Variants in KRT86 observed in about 807,000 individuals in gnomAD.
The protein encoded by KRT86 is keratin, type II cuticular Hb6.
In KRT86, 30 loss-of-function variants were observed where a neutral mutation model predicts 41.2. The observed-to-expected ratio is 0.73, with a 90% CI of 0.54 to 0.99. The LOEUF (loss-of-function observed/expected upper bound fraction) is 0.99, where lower values mean the gene tolerates loss of function less well. KRT86 is among the 50% of genes least tolerant of loss of function. The pLI is 0.00. For synonymous variants in KRT86, 238 were observed against 238.1 expected, an observed-to-expected ratio of 1.00 and a Z score of 0.00; for missense variants, 561 against 571.4, an observed-to-expected ratio of 0.98 and a Z score of 0.19.
intron 2 of KRT86, among the ~76,000 whole-genome samples, chr12:52,280,296 T>C (rs1565735904): frequency 6.6e-6 from 1 of 152,086 alleles, no homozygotes; most frequent in Non-Finnish European, 1.5e-5. Flanking sequence ...ATTTTGGTGG[T>C]CGGAAGATAG....
In KRT86 at chr12:52,308,103, C is replaced by T. The variant is rs1016017183; in HGVS notation, c.1248-130C>T. 1.4e-5 allele frequency: 17 copies of T among 1,233,572 alleles called. 1 individual carries two copies. In the South Asian group the frequency reaches 2.3e-4, roughly 16 times the overall value. The allele number at this position is 1,233,572 out of a possible 1,614,324, so 76.4% of individuals were successfully genotyped here. On this transcript the variant is annotated intron_variant, in intron 9 of 10. Transcript: ENST00000423955. The stretch of plus-strand genomic sequence containing the variant: ...ACCCGAGTCTACACTGGCTCCTGGC[C>T]GAGAGCATTTCTTGCCCCTTCCCTT...
At chr12:52,292,020 C>A (rs1203362029) in intron 2 of KRT86, among the ~76,000 whole-genome samples, 2 of 152,154 alleles carry the variant, frequency 1.3e-5, no homozygotes, top group Admixed American at 6.5e-5. Flanking sequence ...CTGGATTTCC[C>A]CATCTCCAGA....
At chr12:52,278,258 G>A (rs991130121) in intron 2 of KRT86, among the ~76,000 whole-genome samples, 2 of 152,150 alleles carry the variant, frequency 1.3e-5, no homozygotes, top group African/African-American at 4.8e-5. Flanking sequence ...CTGGCAGGGA[G>A]GTCCTATTAT....
At chr12:52,305,057 G>C (rs1226749553) in intron 6 of KRT86, 30 bp downstream of exon 6, 1 of 1,613,156 alleles carries the variant, frequency 6.2e-7, no homozygotes, top group Non-Finnish European at 8.5e-7. Context: ...GCAGAGACCT[G>C]GCAGCCAGCA....
chr12:52,286,902 T>C (rs1592422390), intron 2 of KRT86: 16 of 1,562,862 alleles, frequency 1.0e-5, no homozygotes, highest in Non-Finnish European at 1.4e-5. Flanking sequence ...TAGGGTAGGG[T>C]CCACAACTGG....
intron 9 of KRT86, 140 bp from the exon 10 acceptor site, chr12:52,308,093 G>A: frequency 9.2e-7 from 1 of 1,092,632 alleles, no homozygotes; most frequent in Non-Finnish European, 1.3e-6. Context: ...AGTCTACACT[G>A]GCTCCTGGCC....
At chr12:52,300,269 G>A (rs1218551280) in intron 2 of KRT86, among the ~76,000 whole-genome samples, 1 of 152,142 alleles carries the variant, frequency 6.6e-6, no homozygotes, top group Non-Finnish European at 1.5e-5. Context: ...GACATAAGGT[G>A]CAATCTGCTA....
chr12:52,281,629 T>A (rs1565736478), intron 2 of KRT86, among the ~76,000 whole-genome samples: 1 of 152,202 alleles, frequency 6.6e-6, no homozygotes, highest in African/African-American at 2.4e-5. Context: ...CTTGATCCTG[T>A]TCCCAGTCTT....
intron 10 of KRT86, 39 bp from the exon 11 acceptor site, chr12:52,308,365 G>T (rs755615353): frequency 3.1e-6 from 5 of 1,611,244 alleles, no homozygotes; most frequent in Middle Eastern, 1.6e-4. Context: ...CCAGGTCGCG[G>T]CTGCGCCTGA....
intron 9 of KRT86, 95 bp from the exon 10 acceptor site, chr12:52,308,137 GC>G: frequency 6.5e-7 from 1 of 1,542,236 alleles, no homozygotes; most frequent in Non-Finnish European, 8.9e-7. Context: ...TTGGGCAAGT[GC>G]CCAGATGGAG....
intron 2 of KRT86, among the ~76,000 whole-genome samples, chr12:52,295,728 T>C (rs543316276): frequency 6.6e-6 from 1 of 152,358 alleles, no homozygotes; most frequent in South Asian, 2.1e-4. Flanking sequence ...TTCCAAGGGC[T>C]TGTCACATAG....
chr12:52,279,922 A>G (rs1937733626), intron 2 of KRT86, among the ~76,000 whole-genome samples: 1 of 152,146 alleles, frequency 6.6e-6, no homozygotes, highest in Non-Finnish European at 1.5e-5. Context: ...ACACTCTAGG[A>G]TTCCTGGAGA....
At chr12:52,304,640 TG>T (rs985460837) in intron 5 of KRT86, among the ~76,000 whole-genome samples, 2 of 150,266 alleles carry the variant, frequency 1.3e-5, no homozygotes, top group Non-Finnish European at 3.0e-5. Flanking sequence ...GTGTGAGAGC[TG>T]GGGGGTCAGT....
At chr12:52,275,092 T>C (rs780999216) in intron 1 of KRT86, 2 of 152,276 alleles carry the variant, frequency 1.3e-5, no homozygotes, top group African/African-American at 2.4e-5. Flanking sequence ...GGAAAGACAA[T>C]GGGAAAAGTC....
rs2121299348 is a variant in KRT86 at position 52,302,227 on chromosome 12, A to C, written c.311A>C (p.Gln104Pro). ...EIDPNAQCVK[Q>P]EEKEQIKSLN... ...GACCCCAACGCGCAGTGCGTGAAGC[A>C]GGAGGAGAAGGAGCAGATCAAGTCC... The change falls in exon 3 of 11, where the codon CAG becomes CCG. Residue 104 changes from glutamine to proline, a missense_variant. By Grantham distance (76) the Gln-to-Pro change is moderately conservative. Around this residue, in one of 3 missense-constraint regions of KRT86, gnomAD observed 164 missense variants for 172.5 expected, o/e 0.95. Transcript: ENST00000423955. 9.3e-7 allele frequency: 1 copy of C among 1,073,194 alleles called. No individual in the cohort carries two copies. The highest frequency in any genetic ancestry group is 1.3e-6 in the Non-Finnish European group (1 of 764,382). The allele number at this position is 1,073,194 out of a possible 1,614,324, so 66.5% of individuals were successfully genotyped here.
intron 2 of KRT86, chr12:52,287,566 T>C: frequency 6.2e-7 from 1 of 1,613,906 alleles, no homozygotes; most frequent in Non-Finnish European, 8.5e-7. Context: ...GCCCTCGGTC[T>C]CTCTGACCTT....
chr12:52,283,193 A>G (rs61914252), intron 2 of KRT86, among the ~76,000 whole-genome samples: 64,502 of 151,396 alleles, frequency 0.43, 14,147 homozygotes, highest in Non-Finnish European at 0.49. Flanking sequence ...CAGGAGTTTG[A>G]GACCAGCCTG....
chr12:52,276,861 T>G (rs1183012960), intron 2 of KRT86, among the ~76,000 whole-genome samples: 2 of 152,216 alleles, frequency 1.3e-5, no homozygotes, highest in Non-Finnish European at 2.9e-5. Flanking sequence ...GAAGGGCTTC[T>G]GTTCCCGGTC....
At chr12:52,283,926 G>A (rs1347052744) in intron 2 of KRT86, among the ~76,000 whole-genome samples, 1 of 152,232 alleles carries the variant, frequency 6.6e-6, no homozygotes, top group Non-Finnish European at 1.5e-5. Flanking sequence ...TTGCTCCTCT[G>A]TCTGAGCCTG....
Sources: gnomAD v4.1 joint callset for allele counts (sites outside exome capture counted in the v4.1 genomes callset) on GRCh38, gnomAD v4.1.1 for gene constraint, gnomAD v4.1.1 regional missense constraint, MANE v1.5 for transcripts, NCBI Gene and HGNC (gene_info 2026-07-23, HGNC 2026-07-21) for gene names.